The following VGLL1 variants were observed in gnomAD, a reference collection of about 807,000 sequenced individuals.
The protein encoded by VGLL1 is vestigial like family member 1, also known as transcription cofactor vestigial-like protein 1.
Under a neutral mutation model 12.0 loss-of-function variants are expected in VGLL1, and 4 were observed. The ratio of observed to expected loss-of-function variants is 0.33; its 90% CI spans 0.16 to 0.76. The LOEUF (loss-of-function observed/expected upper bound fraction) is 0.76, where lower values mean the gene tolerates loss of function less well. Ranked by LOEUF, VGLL1 falls within the 30% of genes least tolerant of loss-of-function variation. VGLL1 has a pLI of 0.60. For synonymous variants in VGLL1, 87 were observed against 81.2 expected (o/e 1.07, Z -0.39); for missense variants, 204 against 208.7 (o/e 0.98, Z 0.14).
At chrX:136,543,575 A>G (rs1052324944) in intron 2 of VGLL1, among the ~76,000 whole-genome samples, 2 of 111,063 alleles carry the variant, frequency 1.8e-5, no homozygotes, top group African/African-American at 6.6e-5. Context: ...TGGGCAACAT[A>G]GAGAGACCCT....
At chrX:136,550,503 T>C in intron 3 of VGLL1, 1 of 291,195 alleles carries the variant, frequency 3.4e-6, no homozygotes, top group Non-Finnish European at 5.9e-6. Context: ...TCTACTCATG[T>C]TGACATGAGT....
intron 2 of VGLL1, among the ~76,000 whole-genome samples, chrX:136,537,124 C>A (rs1219078880): frequency 1.8e-5 from 2 of 112,084 alleles, no homozygotes; most frequent in African/African-American, 3.2e-5. Flanking sequence ...AATTCCAGCA[C>A]TTTGAGAGGC....
chrX:136,548,997 G>A lies in VGLL1; in HGVS notation c.623G>A (p.Gly208Asp). ...STGLLFNLPPGSVHYKKLYVS... is the reference protein window; with the variant it reads ...STGLLFNLPPDSVHYKKLYVS... ...GGGTTGCTCTTCAACCTGCCTCCCG[G>A]CTCAGTTCACTGTAAGGAAATGCCT... is the stretch of plus-strand genomic sequence containing the variant. The change falls in exon 3 of 5, where the codon GGC (glycine) becomes GAC (aspartate). Residue 208 changes from glycine (G) to aspartate (D), a missense_variant. Physicochemically the swap from Gly to Asp is moderately conservative, Grantham distance 94. Transcript: ENST00000370634. 1 of 1,207,078 alleles carries A rather than the reference G, an allele frequency of 8.3e-7. No individual in the cohort carries two copies. The highest frequency in any genetic ancestry group is 3.0e-5 in the East Asian group (1 of 33,807).
rs780129825 is a variant in VGLL1 at position 136,548,927 on chromosome X, G to C, written c.553G>C (p.Ala185Pro). Reference sequence around the variant, plus strand: ...ATGCCTAGCCCGTCCTCAGGAATCTGCCGCCAGGGAGAATGGCAACCCTGG... The same window carrying C: ...ATGCCTAGCCCGTCCTCAGGAATCTCCCGCCAGGGAGAATGGCAACCCTGG... ...DRCLARPQES[A>P]ARENGNPGQI... Residue 185 changes from alanine (A) to proline (P), a missense_variant, in exon 3 of 5, where the codon GCC becomes CCC. By Grantham distance (27) the Ala-to-Pro change is conservative (BLOSUM62 -1). Transcript: ENST00000370634. 6 of 1,210,618 alleles carry C rather than the reference G, an allele frequency of 5.0e-6. No individual in the cohort carries two copies. The highest frequency in any genetic ancestry group is 6.7e-6 in the Non-Finnish European group (6 of 895,384).
chrX:136,537,606 C>T (rs777205471), intron 2 of VGLL1, among the ~76,000 whole-genome samples: 4 of 111,472 alleles, frequency 3.6e-5, no homozygotes, highest in African/African-American at 1.3e-4. Flanking sequence ...GTTGCTCAGG[C>T]TGGAATGTGG....
At chrX:136,544,554 C>G (rs960430480) in intron 2 of VGLL1, among the ~76,000 whole-genome samples, 2 of 112,343 alleles carry the variant, frequency 1.8e-5, no homozygotes, top group Non-Finnish European at 3.8e-5. Flanking sequence ...AGCCGTGTGT[C>G]CTTAGACAAG....
At chrX:136,538,522 T>A (rs746734630) in intron 2 of VGLL1, among the ~76,000 whole-genome samples, 1 of 112,330 alleles carries the variant, frequency 8.9e-6, no homozygotes, top group East Asian at 2.8e-4. Context: ...TGAGCAAATA[T>A]ATCAGGGTCT....
At chrX:136,543,760 C>CA (rs10712246) in intron 2 of VGLL1, among the ~76,000 whole-genome samples, 2 of 92,918 alleles carry the variant, frequency 2.2e-5, no homozygotes, top group Non-Finnish European at 4.3e-5. Flanking sequence ...GAGACCCTGT[C>CA]AAAAAAAAAA....
intron 2 of VGLL1, among the ~76,000 whole-genome samples, chrX:136,544,012 C>A (rs1026828124): frequency 4.5e-5 from 5 of 111,740 alleles, no homozygotes; most frequent in African/African-American, 1.6e-4. Flanking sequence ...GATAAGCATT[C>A]AGGAAACAAA....
At position 136,548,605 on chromosome X, in the gene VGLL1, A is replaced by G. The variant is rs1252847375; in HGVS notation, c.231A>G (p.Pro77=). 3 of 1,211,197 alleles carry G rather than the reference A, an allele frequency of 2.5e-6. No individual in the cohort carries two copies. In the East Asian group the frequency reaches 8.9e-5, roughly 36 times the overall value. Residue 77 remains proline, a synonymous_variant, in exon 3 of 5, where the codon CCA becomes CCG. Transcript: ENST00000370634. Reference sequence around the variant, plus strand: ...CCTTCTCAGATGATAGCATGTCTCCAAATCAGTGGCGTTACTCGTCTCCAT... The same window carrying G: ...CCTTCTCAGATGATAGCATGTCTCCGAATCAGTGGCGTTACTCGTCTCCAT... ...VMLKNDDSMS[P]NQWRYSSPWT...
Position 136,538,130 on chromosome X carries a change from A to G in VGLL1, c.214+1896A>G, listed in dbSNP as rs3027862. 1.9e-3 allele frequency among the ~76,000 whole-genome samples: 212 copies of G among 111,841 alleles called. 3 individuals are homozygous for G. The East Asian group carries it at 0.048, about 25-fold the overall frequency. ...TCGTACATCTCAAAACAGTTACTTC[A>G]AGATAACTAAGTCAAAATGTGCACA... On this transcript the variant is annotated intron_variant, in intron 2 of 4. Coordinates refer to ENST00000370634, the MANE Select transcript of VGLL1 (RefSeq NM_016267.4).
chrX:136,551,083 T>C, intron 4 of VGLL1: 1 of 299,153 alleles, frequency 3.3e-6, no homozygotes, highest in Non-Finnish European at 5.8e-6. Context: ...TTCTTTTTTC[T>C]TTTCTTTCTT....
intron 1 of VGLL1, among the ~76,000 whole-genome samples, chrX:136,533,305 C>T (rs773999487): frequency 1.8e-5 from 2 of 110,847 alleles, no homozygotes; most frequent in African/African-American, 3.3e-5. Context: ...ATTTATTATT[C>T]AGGATGCCCA....
chrX:136,539,715 T>C (rs1181804390), intron 2 of VGLL1, among the ~76,000 whole-genome samples: 1 of 111,922 alleles, frequency 8.9e-6, no homozygotes, highest in African/African-American at 3.3e-5. Flanking sequence ...AAATGCCATC[T>C]ATATGTTGAG....
In VGLL1 at chrX:136,532,621, C is replaced by A. The variant is rs747306115; in HGVS notation, c.-26+325C>A. 9.7e-5 allele frequency among the ~76,000 whole-genome samples: 9 copies of A among 92,509 alleles called. No homozygotes were observed. The South Asian group carries it at 4.9e-3, about 50-fold the overall frequency. 80.3% of individuals were successfully genotyped at this position (92,509 alleles called of 115,157 possible). A position where few individuals can be genotyped will look rare whatever the true frequency, so the allele number is the denominator to read the frequency against. On this transcript the variant is annotated intron_variant, in intron 1 of 4. Coordinates refer to ENST00000370634, the MANE Select transcript of VGLL1 (RefSeq NM_016267.4). Reference sequence around the variant, plus strand: ...TCTTTCTTTCTTTCTTTCTTTCTTTCTTTCTTTCTTTCTTTCTTTCTTTCT... The same window carrying A: ...TCTTTCTTTCTTTCTTTCTTTCTTTATTTCTTTCTTTCTTTCTTTCTTTCT...
intron 1 of VGLL1, among the ~76,000 whole-genome samples, chrX:136,532,637 CTTTCTTTCT>C (rs2075827541): frequency 2.2e-5 from 2 of 91,962 alleles, no homozygotes; most frequent in African/African-American, 8.1e-5. Flanking sequence ...TTCTTTCTTT[CTTTCTTTCT>C]TTCTTTCTTT....
chrX:136,539,607 T>G (rs2075850193), intron 2 of VGLL1, among the ~76,000 whole-genome samples: 1 of 111,803 alleles, frequency 8.9e-6, no homozygotes, highest in African/African-American at 3.3e-5. Context: ...TCTCCTTTGC[T>G]ATATGTCCTT....
At chrX:136,536,258 G>A in intron 2 of VGLL1, 24 bp downstream of exon 2, 1 of 1,157,942 alleles carries the variant, frequency 8.6e-7, no homozygotes, top group Non-Finnish European at 1.2e-6. Flanking sequence ...GAGGGAGGGA[G>A]CTGGGATTCC....
intron 3 of VGLL1, among the ~76,000 whole-genome samples, chrX:136,549,392 G>A (rs1356254477): frequency 9.0e-6 from 1 of 111,408 alleles, no homozygotes; most frequent in Non-Finnish European, 1.9e-5. Context: ...GGCTCAAACT[G>A]TAGCCTCTAA....
Sources: gnomAD v4.1 joint callset for allele counts (sites outside exome capture counted in the v4.1 genomes callset) on GRCh38, gnomAD v4.1.1 for gene constraint, MANE v1.5 for transcripts, NCBI Gene and HGNC (gene_info 2026-07-23, HGNC 2026-07-21) for gene names.